THAP4: variants seen among roughly 807,000 people sequenced by gnomAD.
THAP4 encodes peroxynitrite isomerase THAP4.
Under a neutral mutation model 48.1 loss-of-function variants are expected in THAP4, and 18 were observed. The observed-to-expected ratio is 0.37, with a 90% CI of 0.26 to 0.56. The LOEUF is 0.56. Ranked by LOEUF, THAP4 falls within the 20% of genes least tolerant of loss-of-function variation. The pLI, the probability that THAP4 is intolerant of heterozygous loss-of-function variation, is 0.78. For synonymous variants in THAP4, 345 were observed against 324.9 expected, an observed-to-expected ratio of 1.06 and a Z score of -0.66; for missense variants, 656 against 774.9, an observed-to-expected ratio of 0.85 and a Z score of 1.82.
chr2:241,598,361 T>C (rs1192904008), intron 5 of THAP4, among the ~76,000 whole-genome samples: 2 of 152,170 alleles, frequency 1.3e-5, no homozygotes, highest in Non-Finnish European at 2.9e-5. Context: ...ATAACTCCAA[T>C]ACCAAAATGG....
Position 241,601,210 on chromosome 2 carries a change from G to T in THAP4, c.1614+686C>A, listed in dbSNP as rs188856520. Among the ~76,000 whole-genome samples the T allele has an allele frequency of 2.0e-5, 3 of 151,886 alleles. No homozygotes were observed. The highest frequency in any genetic ancestry group is 1.3e-4 in the Admixed American group (2 of 15,246). ...GGAGAATCGCTTGAACCTGAGAGGC[G>T]GTGGTTGCGATGAGCCGAGATCCCA... On this transcript the variant is annotated intron_variant, in intron 5 of 5. Coordinates refer to ENST00000407315, the MANE Select transcript of THAP4 (RefSeq NM_015963.6). This position sits in a 1 kb window ranked among gnomAD's most constrained non-coding sequence, Gnocchi z 4.0.
At chr2:241,635,010 G>A (rs2067617938) in intron 1 of THAP4, among the ~76,000 whole-genome samples, 1 of 152,252 alleles carries the variant, frequency 6.6e-6, no homozygotes, top group African/African-American at 2.4e-5. Context: ...GGGTATTAAT[G>A]TTTAATGAGT....
intron 2 of THAP4, among the ~76,000 whole-genome samples, chr2:241,611,113 G>A (rs1170491775): frequency 6.6e-5 from 10 of 152,216 alleles, no homozygotes; most frequent in Admixed American, 5.9e-4. Flanking sequence ...GATGCTGTGA[G>A]AAGTGGTGGG....
chr2:241,610,448 G>A lies in THAP4; in HGVS notation c.1241-3975C>T, dbSNP rs2067254861. Among the ~76,000 whole-genome samples the A allele has an allele frequency of 6.6e-6, 1 of 152,188 alleles. No homozygotes were observed. The highest frequency in any genetic ancestry group is 1.5e-5 in the Non-Finnish European group (1 of 68,022). On this transcript the variant is annotated intron_variant, in intron 2 of 5. Transcript: ENST00000407315. This position sits in a 1 kb window ranked among gnomAD's most constrained non-coding sequence, Gnocchi z 4.2. ...GCTGGGCGGCGCTGGGCGGTGGGGC[G>A]CGCTCACTGGCTGCCACCTCACCTA...
chr2:241,623,233 A>G (rs1355493627), intron 2 of THAP4, among the ~76,000 whole-genome samples: 1 of 151,794 alleles, frequency 6.6e-6, no homozygotes, highest in Non-Finnish European at 1.5e-5. Context: ...AATAATAATA[A>G]AAATAAAACA....
chr2:241,587,628 G>T (rs2066909277), intron 5 of THAP4, among the ~76,000 whole-genome samples: 1 of 152,188 alleles, frequency 6.6e-6, no homozygotes, highest in Non-Finnish European at 1.5e-5. Context: ...ATATTAGAGG[G>T]TATGTTGTCT....
At chr2:241,604,957 C>G (rs895780670) in intron 3 of THAP4, among the ~76,000 whole-genome samples, 9 of 152,216 alleles carry the variant, frequency 5.9e-5, no homozygotes, top group Non-Finnish European at 1.2e-4. Flanking sequence ...ATACCATATT[C>G]TAGGACACAC....
At chr2:241,608,654 C>G (rs1199591944) in intron 2 of THAP4, among the ~76,000 whole-genome samples, 1 of 152,240 alleles carries the variant, frequency 6.6e-6, no homozygotes, top group Non-Finnish European at 1.5e-5. Context: ...GTGCTGGACA[C>G]TCTTCCAGGG....
chr2:241,602,042 T>A (rs1559222386), intron 4 of THAP4, 43 bp from the exon 5 acceptor site: 1 of 1,591,478 alleles, frequency 6.3e-7, no homozygotes, highest in African/African-American at 1.3e-5. Flanking sequence ...GCTGCTCGGC[T>A]TGCAGAGAGG....
intron 2 of THAP4, among the ~76,000 whole-genome samples, chr2:241,611,512 C>G (rs1426834077): frequency 2.0e-5 from 3 of 152,180 alleles, no homozygotes; most frequent in African/African-American, 7.2e-5. Flanking sequence ...CATCTGAGGT[C>G]AGGAGTTCGA....
intron 5 of THAP4, among the ~76,000 whole-genome samples, chr2:241,589,358 T>A (rs2066930170): frequency 6.6e-6 from 1 of 152,044 alleles, no homozygotes; most frequent in Non-Finnish European, 1.5e-5. Flanking sequence ...ATAAAGGACT[T>A]ATACCCAGAA....
chr2:241,636,807 C>T (rs1056343785), intron 1 of THAP4, 134 bp downstream of exon 1: 29 of 356,084 alleles, frequency 8.1e-5, no homozygotes, highest in Non-Finnish European at 1.1e-4. Context: ...CACACAGCGC[C>T]CACGCCCGCT....
intron 5 of THAP4, among the ~76,000 whole-genome samples, chr2:241,589,459 A>C (rs755832688): frequency 3.3e-5 from 5 of 152,252 alleles, no homozygotes; most frequent in Non-Finnish European, 5.9e-5. Context: ...AACAAGAAAT[A>C]CAAGTGGCAA....
rs1310269792 is a variant in THAP4, at chr2:241,616,120, TG to T, written c.1241-9648del. On this transcript the variant is annotated intron_variant, in intron 2 of 5. Transcript: ENST00000407315. This position sits in a 1 kb window ranked among gnomAD's most constrained non-coding sequence, Gnocchi z 4.6. Reference sequence around the variant, plus strand: ...AGAAGAACTGGGCTTATCTGAAGTCTGGTCAAGTTGAACTGGACCATCTATT... The same window carrying T: ...AGAAGAACTGGGCTTATCTGAAGTCTGTCAAGTTGAACTGGACCATCTATT... Among the ~76,000 whole-genome samples, 1 of 152,210 alleles carries T rather than the reference TG, an allele frequency of 6.6e-6. No individual in the cohort carries two copies. The highest frequency in any genetic ancestry group is 2.4e-5 in the African/African-American group (1 of 41,452).
At position 241,621,823 on chromosome 2, in the gene THAP4, G is replaced by A. The variant is rs1350027562; in HGVS notation, c.1240+11094C>T. 2.6e-5 allele frequency among the ~76,000 whole-genome samples: 4 copies of A among 152,058 alleles called. No individual in the cohort carries two copies. The East Asian group carries it at 7.7e-4, about 29-fold the overall frequency. ...TAAATACCAAAGAATCTACACATAG[G>A]CATGTCATACTCAAACTGCAGAAAA... is the stretch of plus-strand genomic sequence containing the variant. On this transcript the variant is annotated intron_variant, in intron 2 of 5. Transcript: ENST00000407315.
chr2:241,588,845 C>T (rs1329143285), intron 5 of THAP4, among the ~76,000 whole-genome samples: 1 of 151,982 alleles, frequency 6.6e-6, no homozygotes, highest in East Asian at 1.9e-4. Flanking sequence ...TCTTTGCTGC[C>T]TGGGCTAGGT....
chr2:241,628,886 G>A (rs2067525351), intron 2 of THAP4, among the ~76,000 whole-genome samples: 1 of 120,566 alleles, frequency 8.3e-6, no homozygotes, highest in South Asian at 2.6e-4. Flanking sequence ...GCCGCAGTAA[G>A]ACGAGATCAT....
chr2:241,587,088 TGTCAAAG>T (rs2066903914), intron 5 of THAP4, among the ~76,000 whole-genome samples: 1 of 152,036 alleles, frequency 6.6e-6, no homozygotes, highest in African/African-American at 2.4e-5. Context: ...TAATTTTAGG[TGTCAAAG>T]GTCAAAGGTG....
At chr2:241,624,103 T>C (rs2067466776) in intron 2 of THAP4, among the ~76,000 whole-genome samples, 1 of 152,208 alleles carries the variant, frequency 6.6e-6, no homozygotes, top group Non-Finnish European at 1.5e-5. Flanking sequence ...CCCACAGCCC[T>C]TTCCCTGGGT....
Sources: gnomAD v4.1 joint callset for allele counts (sites outside exome capture counted in the v4.1 genomes callset) on GRCh38, gnomAD v4.1.1 for gene constraint, Gnocchi (gnomAD v3.1) non-coding constraint, MANE v1.5 for transcripts, NCBI Gene and HGNC (gene_info 2026-07-23, HGNC 2026-07-21) for gene names.